Variants in ADAMTS9 observed in about 807,000 individuals in gnomAD.
ADAMTS9 encodes ADAM metallopeptidase with thrombospondin type 1 motif 9.
ADAMTS9 carries 107 observed loss-of-function variants against 257.1 expected under a neutral mutation model. The observed-to-expected ratio is 0.42, with a 90% CI of 0.36 to 0.49. The LOEUF (loss-of-function observed/expected upper bound fraction) is 0.49. Among genes scored for constraint, ADAMTS9 ranks in the 20% least tolerant of loss-of-function variants. ADAMTS9 has a pLI of 0.03. For missense variants in ADAMTS9, 2,353 were observed against 2,469.1 expected, an observed-to-expected ratio of 0.95 and a Z score of 1.00; for synonymous variants, 982 against 880.9, an observed-to-expected ratio of 1.11 and a Z score of -2.03.
rs779867770 is a variant in ADAMTS9, at chr3:64,616,118, G to A, written c.2866C>T (p.Arg956Cys). The A allele has an allele frequency of 1.5e-5, 24 of 1,613,938 alleles. No individual in the cohort carries two copies. The highest frequency in any genetic ancestry group is 3.3e-4 in the Middle Eastern group (2 of 6,076). The change falls in exon 20 of 40, where the codon CGC (arginine) becomes TGC (cysteine). Residue 956 changes from arginine to cysteine, a missense_variant. Coordinates refer to ENST00000498707, the MANE Select transcript of ADAMTS9 (RefSeq NM_182920.2). Reference sequence around the variant, plus strand: ...TTGGCACAGTAGATGTCCAATGTGCGGTAACCCAAGCCACACTGGGCACTA... The same window carrying A: ...TTGGCACAGTAGATGTCCAATGTGCAGTAACCCAAGCCACACTGGGCACTA... ...ECSAQCGLGY[R>C]TLDIYCAKYS...
chr3:64,621,811 A>C lies in ADAMTS9; in HGVS notation c.2686+387T>G, dbSNP rs562919373. ...AAAAAAATAAAAAGAAAAGAAAAAG[A>C]AAAAAAAGGTAGGCGGTAGGCTGGA... On this transcript the variant is annotated intron_variant, in intron 18 of 39. Coordinates refer to ENST00000498707, the MANE Select transcript of ADAMTS9 (RefSeq NM_182920.2). Among the ~76,000 whole-genome samples, 68 of 151,610 alleles carry C rather than the reference A, an allele frequency of 4.5e-4. No homozygotes were observed. The Middle Eastern group carries it at 0.01, about 23-fold the overall frequency.
At chr3:64,679,187 A>C (rs1042141091) in intron 3 of ADAMTS9, among the ~76,000 whole-genome samples, 2 of 152,208 alleles carry the variant, frequency 1.3e-5, no homozygotes, top group African/African-American at 4.8e-5. Context: ...CCAGCCCAGG[A>C]AATCAAATGT....
rs201489566 is a variant in ADAMTS9, at chr3:64,633,606, G to C, written c.2041C>G (p.Leu681Val). The part of the protein sequence containing the change: ...VRWVPKYSGI[L>V]MKDRCKLFCR... The stretch of plus-strand genomic sequence containing the variant: ...AACAACTTGCACCGGTCCTTCATCA[G>C]AACTAGAGAGGAGAAACAATACAAC... The change falls in exon 14 of 40, where the codon CTG becomes GTG. Residue 681 changes from leucine to valine, a missense_variant and splice_region_variant. Leu to Val is a conservative substitution (Grantham distance 32). Around this residue, in one of 3 missense-constraint regions of ADAMTS9, gnomAD observed 360 missense variants for 458.1 expected, o/e 0.79. Transcript: ENST00000498707. The C allele has an allele frequency of 8.7e-6, 14 of 1,613,976 alleles. No homozygotes were observed.
At chr3:64,662,025 G>C in intron 3 of ADAMTS9, among the ~76,000 whole-genome samples, 1 of 151,632 alleles carries the variant, frequency 6.6e-6, no homozygotes, top group East Asian at 2.0e-4. Flanking sequence ...TTATTGCTTT[G>C]AGACCTTTCT....
At chr3:64,559,586 T>A (rs1292410176) in intron 30 of ADAMTS9, among the ~76,000 whole-genome samples, 1 of 152,200 alleles carries the variant, frequency 6.6e-6, no homozygotes, top group Non-Finnish European at 1.5e-5. Context: ...GGCCAGGTTA[T>A]CTCCTGAAGC....
chr3:64,523,534 T>G (rs551375545), intron 38 of ADAMTS9, among the ~76,000 whole-genome samples: 163 of 152,286 alleles, frequency 1.1e-3, no homozygotes, highest in Non-Finnish European at 1.9e-3. Context: ...CAACTGATGA[T>G]AGTAAAAATA....
intron 3 of ADAMTS9, among the ~76,000 whole-genome samples, chr3:64,668,247 T>C (rs192772291): frequency 6.6e-6 from 1 of 152,340 alleles, no homozygotes; most frequent in East Asian, 1.9e-4. Flanking sequence ...CCACGTTTTT[T>C]TAACGTCAAA....
intron 32 of ADAMTS9, among the ~76,000 whole-genome samples, chr3:64,542,271 C>A (rs1200558224): frequency 1.3e-5 from 2 of 151,976 alleles, no homozygotes; most frequent in African/African-American, 4.8e-5. Flanking sequence ...TCACAGTACC[C>A]CTATGAGATA....
chr3:64,621,793 T>TAAAAAAAA lies in ADAMTS9; in HGVS notation c.2686+404_2686+405insTTTTTTTT, dbSNP rs371561807. 1.1e-3 allele frequency among the ~76,000 whole-genome samples: 154 copies of TAAAAAAAA among 140,150 alleles called. 2 individuals are homozygous for TAAAAAAAA. The highest frequency in any genetic ancestry group is 3.9e-3 in the African/African-American group (148 of 37,620). 91.9% of individuals were successfully genotyped at this position (140,150 alleles called of 152,430 possible). A position where few individuals can be genotyped will look rare whatever the true frequency, so the allele number is the denominator to read the frequency against. On this transcript the variant is annotated intron_variant, in intron 18 of 39. Coordinates refer to ENST00000498707, the MANE Select transcript of ADAMTS9 (RefSeq NM_182920.2). Reference sequence around the variant, plus strand: ...ATAAAAAAATAAAAAAATAAAAAAATAAAAAGAAAAGAAAAAGAAAAAAAA... The same window carrying TAAAAAAAA: ...ATAAAAAAATAAAAAAATAAAAAAATAAAAAAAAAAAAAGAAAAGAAAAAGAAAAAAAA...
At chr3:64,584,850 T>G (rs554575233) in intron 28 of ADAMTS9, among the ~76,000 whole-genome samples, 4 of 152,268 alleles carry the variant, frequency 2.6e-5, no homozygotes, top group African/African-American at 9.6e-5. Flanking sequence ...AAAACTCTTT[T>G]TTCCTCAAAT....
rs147392118 is a variant in ADAMTS9, at chr3:64,631,606, G to C, written c.2294-56C>G. The C allele has an allele frequency of 7.8e-5, 113 of 1,457,080 alleles. No homozygotes were observed. The East Asian group carries it at 2.5e-3, about 33-fold the overall frequency. The allele number at this position is 1,457,080 out of a possible 1,614,324, so 90.3% of individuals were successfully genotyped here. On this transcript the variant is annotated intron_variant, in intron 15 of 39. Coordinates refer to ENST00000498707, the MANE Select transcript of ADAMTS9 (RefSeq NM_182920.2). ...CCACAGAATGGTTCACTTTCTCTAA[G>C]TATGGAATAAAAAGTGGACAACAAA...
rs57554695 is a variant in ADAMTS9, at chr3:64,608,740, GA to G, written c.3355-1662del. On this transcript the variant is annotated intron_variant, in intron 22 of 39. Coordinates refer to ENST00000498707, the MANE Select transcript of ADAMTS9 (RefSeq NM_182920.2). ...TACCAATCCCTTTCAAATGCTTTCAGAAAAAAAAAAATCAAAGAATAGGAGA... is the reference window on the plus strand; with the variant it reads ...TACCAATCCCTTTCAAATGCTTTCAGAAAAAAAAAATCAAAGAATAGGAGA... Among the ~76,000 whole-genome samples the G allele has an allele frequency of 1.9e-3, 282 of 144,874 alleles. 7 individuals are homozygous for G. The East Asian group carries it at 0.038, about 20-fold the overall frequency.
chr3:64,624,282 G>A (rs1031171132), intron 16 of ADAMTS9, among the ~76,000 whole-genome samples: 1 of 149,932 alleles, frequency 6.7e-6, no homozygotes, highest in Non-Finnish European at 1.5e-5. Flanking sequence ...GACAAAGAAA[G>A]AAAAGGAAAG....
At chr3:64,593,383 T>C (rs2084297553) in intron 28 of ADAMTS9, among the ~76,000 whole-genome samples, 1 of 152,218 alleles carries the variant, frequency 6.6e-6, no homozygotes, top group South Asian at 2.1e-4. Flanking sequence ...TATGACTTAA[T>C]ACAATACTAA....
At chr3:64,547,596 T>A (rs2083219404) in intron 31 of ADAMTS9, among the ~76,000 whole-genome samples, 1 of 137,896 alleles carries the variant, frequency 7.3e-6, no homozygotes, top group Non-Finnish European at 1.5e-5. Context: ...CAATGAAACC[T>A]CCGTCTCCCA....
At position 64,594,165 on chromosome 3, in the gene ADAMTS9, G is replaced by T. The variant is rs1014935720; in HGVS notation, c.4356+93C>A. ...ATAGCAGAGTTTCTGGGATGCCCTT[G>T]TAAGTGTGACAATTATCTGCCACAG... On this transcript the variant is annotated intron_variant, in intron 28 of 39. Transcript: ENST00000498707. 4.4e-5 allele frequency: 59 copies of T among 1,353,624 alleles called. No individual in the cohort carries two copies. In the African/African-American group the frequency reaches 7.4e-4, roughly 17 times the overall value. 83.9% of individuals were successfully genotyped at this position (1,353,624 alleles called of 1,614,324 possible).
In ADAMTS9 at chr3:64,633,530, A is replaced by G. The variant is rs1273127718; in HGVS notation, c.2117T>C (p.Ile706Thr). Residue 706 changes from isoleucine (I) to threonine (T), a missense_variant, in exon 14 of 40, where the codon ATA becomes ACA. By Grantham distance (89) the Ile-to-Thr change is moderately conservative (BLOSUM62 -1). This residue lies in a region of ADAMTS9 where 360 missense variants were observed against 458.1 expected (regional missense o/e 0.79). Coordinates refer to ENST00000498707, the MANE Select transcript of ADAMTS9 (RefSeq NM_182920.2). Reference sequence around the variant, plus strand: ...GTCCTGGCCACAAGGAGTTCCATCTATCACTCTGTCTCGAAGCTGATAGTA... The same window carrying G: ...GTCCTGGCCACAAGGAGTTCCATCTGTCACTCTGTCTCGAAGCTGATAGTA... ...TAYYQLRDRV[I>T]DGTPCGQDTN... 1.9e-6 allele frequency: 3 copies of G among 1,614,082 alleles called. No individual in the cohort carries two copies. The highest frequency in any genetic ancestry group is 1.7e-5 in the Admixed American group (1 of 60,010).
chr3:64,606,496 T>C (rs1276748366), intron 23 of ADAMTS9, among the ~76,000 whole-genome samples: 1 of 152,224 alleles, frequency 6.6e-6, no homozygotes, highest in Non-Finnish European at 1.5e-5. Context: ...TTGCTTTTAA[T>C]ACCCTACATT....
chr3:64,578,184 T>C lies in ADAMTS9; in HGVS notation c.4357-9649A>G, dbSNP rs529564413. On this transcript the variant is annotated intron_variant, in intron 28 of 39. Transcript: ENST00000498707. ...CAAATTAGATGCTCATCCTCCAATTTAGCATTGCTCTATCGGGAGGTTGGA... is the reference window on the plus strand; with the variant it reads ...CAAATTAGATGCTCATCCTCCAATTCAGCATTGCTCTATCGGGAGGTTGGA... Among the ~76,000 whole-genome samples, 11 of 152,260 alleles carry C rather than the reference T, an allele frequency of 7.2e-5. No individual in the cohort carries two copies. The East Asian group carries it at 1.4e-3, about 19-fold the overall frequency.
Sources: gnomAD v4.1 joint callset for allele counts (sites outside exome capture counted in the v4.1 genomes callset) on GRCh38, gnomAD v4.1.1 for gene constraint, gnomAD v4.1.1 regional missense constraint, MANE v1.5 for transcripts, NCBI Gene and HGNC (gene_info 2026-07-23, HGNC 2026-07-21) for gene names.